PTN: variants seen among roughly 807,000 people sequenced by gnomAD.
PTN encodes heparin affin regulatory protein.
A neutral mutation model predicts 24.1 loss-of-function variants in PTN; 18 were observed. The ratio of observed to expected loss-of-function variants is 0.75; its 90% CI spans 0.52 to 1.11. The LOEUF (loss-of-function observed/expected upper bound fraction) is 1.11. Ranked by LOEUF, PTN falls within the 50% of genes least tolerant of loss-of-function variation. The probability of loss-of-function intolerance (pLI) is 0.00; values close to 1 mark genes in which losing one functional copy is unlikely to be tolerated. For synonymous variants in PTN, 78 were observed against 68.6 expected (o/e 1.14, Z -0.67); for missense variants, 163 against 198.8 (o/e 0.82, Z 1.08).
At chr7:137,292,579 C>T (rs1462142964) in intron 1 of PTN, among the ~76,000 whole-genome samples, 1 of 152,166 alleles carries the variant, frequency 6.6e-6, no homozygotes, top group Non-Finnish European at 1.5e-5. Flanking sequence ...GTCCATTAAA[C>T]CTCTTTCCTT....
At chr7:137,265,954 A>G (rs1809135859) in intron 1 of PTN, among the ~76,000 whole-genome samples, 3 of 152,180 alleles carry the variant, frequency 2.0e-5, no homozygotes, top group African/African-American at 4.8e-5. Flanking sequence ...ACATTTAACA[A>G]TGCTTTTTGT....
chr7:137,325,304 T>C (rs1646022426), intron 1 of PTN: 1 of 152,202 alleles, frequency 6.6e-6, no homozygotes, highest in Admixed American at 6.5e-5. Context: ...AGCATTCTTT[T>C]CTTTTAGCAA....
chr7:137,311,236 A>G (rs1809977230), intron 1 of PTN, among the ~76,000 whole-genome samples: 1 of 151,116 alleles, frequency 6.6e-6, no homozygotes, highest in Non-Finnish European at 1.5e-5. Flanking sequence ...CATTTCAAAA[A>G]AAAAAAAAAA....
intron 1 of PTN, among the ~76,000 whole-genome samples, chr7:137,286,925 T>C (rs1309679761): frequency 6.6e-6 from 1 of 152,214 alleles, no homozygotes; most frequent in African/African-American, 2.4e-5. Context: ...GCAGGCATTG[T>C]TAATTTGCAG....
At chr7:137,294,400 G>C (rs1375887757) in intron 1 of PTN, among the ~76,000 whole-genome samples, 1 of 152,114 alleles carries the variant, frequency 6.6e-6, no homozygotes, top group East Asian at 1.9e-4. Context: ...TCTCTCTCTG[G>C]CTTGGGCAGC....
chr7:137,255,301 T>C lies in PTN; in HGVS notation c.-1-327A>G, dbSNP rs113730168. On this transcript the variant is annotated intron_variant, in intron 1 of 4. Transcript: ENST00000348225. ...GCATTTGAACACAGTCCTACTGTCT[T>C]GCTGATAGCATCACTTGGTAATATC... Among the ~76,000 whole-genome samples the C allele has an allele frequency of 3.9e-5, 6 of 152,376 alleles. 1 individual carries two copies. Among genetic ancestry groups the C allele is most frequent in the African/African-American group, 1.4e-4 (6 of 41,594 alleles).
chr7:137,292,010 C>T (rs1809645710), intron 1 of PTN, among the ~76,000 whole-genome samples: 1 of 152,142 alleles, frequency 6.6e-6, no homozygotes. Context: ...TCCCTTGTGT[C>T]TGCAGAATAA....
intron 1 of PTN, among the ~76,000 whole-genome samples, chr7:137,297,319 C>T (rs1014684013): frequency 6.6e-6 from 1 of 152,088 alleles, no homozygotes; most frequent in Admixed American, 6.6e-5. Context: ...CTGTGGATAT[C>T]TAAGACACTG....
chr7:137,232,658 A>ATC (rs1808448199), intron 4 of PTN, among the ~76,000 whole-genome samples: 1 of 151,942 alleles, frequency 6.6e-6, no homozygotes, highest in Non-Finnish European at 1.5e-5. Flanking sequence ...AATGCATAAC[A>ATC]ACTCCTGATA....
At chr7:137,270,916 C>T (rs1194303258) in intron 1 of PTN, among the ~76,000 whole-genome samples, 2 of 152,176 alleles carry the variant, frequency 1.3e-5, no homozygotes. Context: ...GGTATCTCTA[C>T]TGAAAATAGT....
At chr7:137,312,252 T>C (rs956969424) in intron 1 of PTN, among the ~76,000 whole-genome samples, 59 of 152,342 alleles carry the variant, frequency 3.9e-4, no homozygotes, top group Admixed American at 7.2e-4. Context: ...TGAATATAAA[T>C]TAGACTGTGC....
At chr7:137,288,622 T>G (rs577877623) in intron 1 of PTN, among the ~76,000 whole-genome samples, 3 of 152,310 alleles carry the variant, frequency 2.0e-5, no homozygotes, top group Non-Finnish European at 4.4e-5. Flanking sequence ...AATAAATATT[T>G]GCATAGAGAT....
intron 1 of PTN, among the ~76,000 whole-genome samples, chr7:137,319,578 C>T (rs1294846535): frequency 6.6e-6 from 1 of 152,160 alleles, no homozygotes; most frequent in Non-Finnish European, 1.5e-5. Context: ...CCTCTATAGT[C>T]ATTGAAATGG....
intron 4 of PTN, among the ~76,000 whole-genome samples, chr7:137,247,217 T>A (rs1808738572): frequency 6.6e-6 from 1 of 152,206 alleles, no homozygotes; most frequent in African/African-American, 2.4e-5. Context: ...TCTGTACCCC[T>A]ATGTTTGTTG....
intron 1 of PTN, among the ~76,000 whole-genome samples, chr7:137,314,889 G>A (rs1004920596): frequency 6.6e-6 from 1 of 152,018 alleles, no homozygotes; most frequent in Non-Finnish European, 1.5e-5. Context: ...CACCGCACCC[G>A]GCCCATGTTG....
chr7:137,307,271 G>T (rs1198252652), intron 1 of PTN, among the ~76,000 whole-genome samples: 5 of 151,946 alleles, frequency 3.3e-5, no homozygotes, highest in African/African-American at 1.2e-4. Flanking sequence ...ACAGCTGTTC[G>T]GTTCCTGACA....
intron 4 of PTN, among the ~76,000 whole-genome samples, chr7:137,230,743 T>G (rs1020433283): frequency 1.3e-5 from 2 of 151,880 alleles, no homozygotes; most frequent in African/African-American, 4.8e-5. Flanking sequence ...CTAGTATACA[T>G]GATGGGTTTA....
chr7:137,333,294 T>C (rs1221127662), intron 1 of PTN, among the ~76,000 whole-genome samples: 1 of 152,204 alleles, frequency 6.6e-6, no homozygotes, highest in Admixed American at 6.5e-5. Flanking sequence ...AGCAGAATCA[T>C]GAGCCAAATA....
chr7:137,325,665 G>A (rs1435383130), intron 1 of PTN: 1 of 152,166 alleles, frequency 6.6e-6, no homozygotes, highest in Non-Finnish European at 1.5e-5. Context: ...GTCACCCTAG[G>A]GTTGAGTTTC....
Sources: allele counts gnomAD v4.1 joint callset (sites outside exome capture counted in the v4.1 genomes callset), GRCh38; gene constraint gnomAD v4.1.1; transcripts MANE v1.5; gene names NCBI Gene and HGNC (gene_info 2026-07-23, HGNC 2026-07-21).